LMNB1: variants seen among roughly 807,000 people sequenced by gnomAD.
LMNB1 encodes lamin B1.
A neutral mutation model predicts 67.1 loss-of-function variants in LMNB1; 23 were observed. The ratio of observed to expected loss-of-function variants is 0.34; its 90% confidence interval spans 0.25 to 0.49. The LOEUF (loss-of-function observed/expected upper bound fraction) is 0.49. LMNB1 is among the 20% of genes least tolerant of loss of function. The pLI is 0.99. For missense variants in LMNB1, 634 were observed against 746.5 expected (o/e 0.85, Z 1.76); for synonymous variants, 281 against 282.9 (o/e 0.99, Z 0.07).
intron 1 of LMNB1, among the ~76,000 whole-genome samples, chr5:126,800,584 C>T (rs1286286537): frequency 6.9e-6 from 1 of 145,938 alleles, no homozygotes; most frequent in African/African-American, 2.5e-5. Flanking sequence ...AACTGTTTTG[C>T]AGAAAACTAG....
At chr5:126,795,539 A>G (rs1348292472) in intron 1 of LMNB1, among the ~76,000 whole-genome samples, 1 of 152,206 alleles carries the variant, frequency 6.6e-6, no homozygotes, top group Non-Finnish European at 1.5e-5. Context: ...CCCTAAAGTT[A>G]TCACCTAGTA....
intron 8 of LMNB1, among the ~76,000 whole-genome samples, chr5:126,824,222 T>G (rs1217446189): frequency 6.6e-6 from 1 of 152,238 alleles, no homozygotes; most frequent in African/African-American, 2.4e-5. Context: ...TTTAAAACTC[T>G]AGAATAGAAA....
intron 2 of LMNB1, 93 bp from the exon 3 acceptor site, chr5:126,805,478 A>C: frequency 1.2e-6 from 1 of 835,258 alleles, no homozygotes; most frequent in South Asian, 1.8e-5. Flanking sequence ...TAGGAATTTT[A>C]ACACTTGATT....
chr5:126,830,290 G>C (rs1156872326), intron 9 of LMNB1, among the ~76,000 whole-genome samples: 1 of 152,206 alleles, frequency 6.6e-6, no homozygotes, highest in Admixed American at 6.5e-5. Flanking sequence ...CGCAGCAGGG[G>C]CGGACCAATG....
At chr5:126,810,466 C>G (rs1163197378) in intron 4 of LMNB1, 116 bp downstream of exon 4, 3 of 759,222 alleles carry the variant, frequency 4.0e-6, no homozygotes, top group South Asian at 3.4e-5. Context: ...TTCCCCTAGT[C>G]TCCATGAAAT....
intron 1 of LMNB1, among the ~76,000 whole-genome samples, chr5:126,794,790 A>C (rs1275036086): frequency 6.6e-6 from 1 of 152,224 alleles, no homozygotes; most frequent in East Asian, 1.9e-4. Context: ...AATTTTGTAT[A>C]GAATGATTTC....
intron 1 of LMNB1, among the ~76,000 whole-genome samples, chr5:126,797,614 A>G (rs115527652): frequency 0.019 from 2,847 of 152,334 alleles, 43 homozygotes; most frequent in Non-Finnish European, 0.026. Flanking sequence ...TATCAGTTCT[A>G]CAGGTTTCTG....
chr5:126,819,703 G>A (rs569228752), intron 6 of LMNB1, among the ~76,000 whole-genome samples: 1 of 151,960 alleles, frequency 6.6e-6, no homozygotes, highest in South Asian at 2.1e-4. Context: ...GGCCAGGCTG[G>A]TCTCAAACTC....
chr5:126,808,178 AC>A (rs1334955664), intron 3 of LMNB1, among the ~76,000 whole-genome samples: 1 of 129,460 alleles, frequency 7.7e-6, no homozygotes, highest in Non-Finnish European at 1.6e-5. Context: ...GGCCTTTTTT[AC>A]TTTAAAAAAA....
At chr5:126,804,338 A>T (rs1242799279) in intron 1 of LMNB1, among the ~76,000 whole-genome samples, 2 of 142,348 alleles carry the variant, frequency 1.4e-5, no homozygotes, top group African/African-American at 2.6e-5. Flanking sequence ...TCAGCCTCTC[A>T]AAGTGATGTG....
chr5:126,783,195 G>A (rs1301646332), intron 1 of LMNB1, among the ~76,000 whole-genome samples: 2 of 151,918 alleles, frequency 1.3e-5, no homozygotes, highest in East Asian at 1.9e-4. Flanking sequence ...GCGAGACTCT[G>A]TCTCAAAAAC....
chr5:126,833,448 C>A, intron 10 of LMNB1, among the ~76,000 whole-genome samples: 1 of 152,284 alleles, frequency 6.6e-6, no homozygotes, highest in East Asian at 1.9e-4. Context: ...TTCCATGGCT[C>A]CAGATTTTTA....
intron 1 of LMNB1, among the ~76,000 whole-genome samples, chr5:126,791,537 A>C (rs549039655): frequency 6.6e-6 from 1 of 151,612 alleles, no homozygotes; most frequent in South Asian, 2.1e-4. Context: ...GGCTCACTAC[A>C]GCCTCAACCT....
At chr5:126,805,382 A>G (rs1018527407) in intron 2 of LMNB1, among the ~76,000 whole-genome samples, 189 bp from the exon 3 acceptor site, 2 of 152,226 alleles carry the variant, frequency 1.3e-5, no homozygotes, top group African/African-American at 4.8e-5. Context: ...GTCGTTTGGT[A>G]TGATACTCTG....
chr5:126,803,478 C>T (rs1465015297), intron 1 of LMNB1, among the ~76,000 whole-genome samples: 1 of 152,078 alleles, frequency 6.6e-6, no homozygotes, highest in Non-Finnish European at 1.5e-5. Context: ...GAACTCCCAA[C>T]ATCAGGTGAT....
intron 9 of LMNB1, among the ~76,000 whole-genome samples, chr5:126,829,449 A>G (rs2126737890): frequency 6.6e-6 from 1 of 152,034 alleles, no homozygotes; most frequent in African/African-American, 2.4e-5. Flanking sequence ...GTCCGGTACT[A>G]CTGACAGATA....
At position 126,804,887 on chromosome 5, in the gene LMNB1, A is replaced by C. The variant is rs750323888; in HGVS notation, c.471A>C (p.Lys157Asn). Residue 157 changes from lysine (K) to asparagine (N), a missense_variant, in exon 2 of 11, where the codon AAA becomes AAC. Physicochemically the swap from Lys to Asn is moderately conservative, Grantham distance 94. Coordinates refer to ENST00000261366, the MANE Select transcript of LMNB1 (RefSeq NM_005573.4). ...TTGCTACTGCACTTGGTGACAAAAA[A>C]AGTTTAGAGGGAGATTTGGAGGATC... Reference protein sequence around the residue: ...AALATALGDKKSLEGDLEDLK... With the variant: ...AALATALGDKNSLEGDLEDLK... 4.3e-6 allele frequency: 7 copies of C among 1,614,060 alleles called. No individual in the cohort carries two copies. The highest frequency in any genetic ancestry group is 3.3e-5 in the Admixed American group (2 of 59,996).
At chr5:126,832,627 AG>A (rs146905904) in intron 9 of LMNB1, 66 bp from the exon 10 acceptor site, 73,624 of 1,118,170 alleles carry the variant, frequency 0.066, 2,643 homozygotes, top group South Asian at 0.076. Context: ...AGCAAAGAAA[AG>A]GTCCCTCTCC....
chr5:126,817,023 C>G (rs1751727151), intron 5 of LMNB1, among the ~76,000 whole-genome samples: 1 of 152,112 alleles, frequency 6.6e-6, no homozygotes, highest in Non-Finnish European at 1.5e-5. Flanking sequence ...GGAGGGAAAT[C>G]TACATTTATT....
Sources: gnomAD v4.1 joint callset for allele counts (sites outside exome capture counted in the v4.1 genomes callset) on GRCh38, gnomAD v4.1.1 for gene constraint, MANE v1.5 for transcripts, NCBI Gene and HGNC (gene_info 2026-07-23, HGNC 2026-07-21) for gene names.